Variants in CNTN3 observed in about 807,000 individuals in gnomAD.
The protein encoded by CNTN3 is contactin-3.
CNTN3 carries 60 observed loss-of-function variants against 119.1 expected under a neutral mutation model. The ratio of observed to expected loss-of-function variants is 0.50; its 90% CI spans 0.41 to 0.62. The LOEUF is 0.62. Among genes scored for constraint, CNTN3 ranks in the 20% least tolerant of loss-of-function variants. The probability of loss-of-function intolerance (pLI) is 0.00; values close to 1 mark genes in which losing one functional copy is unlikely to be tolerated. For synonymous variants in CNTN3, 450 were observed against 438.7 expected (o/e 1.03, Z -0.32); for missense variants, 1,101 against 1,242.4 (o/e 0.89, Z 1.71).
At chr3:74,541,320 A>G (rs1703839746) in intron 1 of CNTN3, among the ~76,000 whole-genome samples, 1 of 152,170 alleles carries the variant, frequency 6.6e-6, no homozygotes. Context: ...CATCATAGCT[A>G]ATAGCAAAAA....
At chr3:74,377,058 A>G (rs1257646789) in intron 5 of CNTN3, among the ~76,000 whole-genome samples, 1 of 152,136 alleles carries the variant, frequency 6.6e-6, no homozygotes, top group African/African-American at 2.4e-5. Flanking sequence ...GAGATATCAA[A>G]CTACAACCCC....
chr3:74,371,459 T>C, intron 5 of CNTN3, 60 bp from the exon 6 acceptor site: 1 of 1,255,844 alleles, frequency 8.0e-7, no homozygotes, highest in Non-Finnish European at 1.2e-6. Flanking sequence ...TTCCATTGTG[T>C]CCTTAATGTA....
chr3:74,331,574 AAAC>A (rs1244286607), intron 13 of CNTN3, among the ~76,000 whole-genome samples: 6 of 152,208 alleles, frequency 3.9e-5, no homozygotes, highest in African/African-American at 1.4e-4. Flanking sequence ...ATCAACCAGC[AAAC>A]AACAGCACCC....
chr3:74,501,070 T>C (rs933322021), intron 2 of CNTN3, among the ~76,000 whole-genome samples: 43 of 152,066 alleles, frequency 2.8e-4, no homozygotes, highest in African/African-American at 9.4e-4. Context: ...ATCTTTGCCC[T>C]CAGCTTCCAG....
intron 1 of CNTN3, among the ~76,000 whole-genome samples, chr3:74,576,153 C>G (rs1279996482): frequency 1.3e-5 from 2 of 152,166 alleles, no homozygotes; most frequent in Non-Finnish European, 1.5e-5. Flanking sequence ...TCTCTTTCCT[C>G]TCTTCCATTT....
At chr3:74,272,557 T>A (rs112822811) in intron 20 of CNTN3, among the ~76,000 whole-genome samples, 1 of 152,170 alleles carries the variant, frequency 6.6e-6, no homozygotes, top group African/African-American at 2.4e-5. Context: ...GGAATGCACA[T>A]TGATAGGCTT....
intron 11 of CNTN3, among the ~76,000 whole-genome samples, chr3:74,345,264 C>T (rs916020861): frequency 1.3e-5 from 2 of 152,148 alleles, no homozygotes; most frequent in Admixed American, 6.6e-5. Context: ...CTCCTCCAAG[C>T]AGAGAGTTTA....
At chr3:74,359,595 C>T (rs1704031510) in intron 11 of CNTN3, among the ~76,000 whole-genome samples, 1 of 151,858 alleles carries the variant, frequency 6.6e-6, no homozygotes, top group Admixed American at 6.6e-5. Flanking sequence ...TCAGAAATTC[C>T]AGGTTAGATC....
chr3:74,462,975 T>A (rs1040382916), intron 4 of CNTN3, among the ~76,000 whole-genome samples: 1 of 152,180 alleles, frequency 6.6e-6, no homozygotes, highest in Non-Finnish European at 1.5e-5. Context: ...TCCTTGTAGA[T>A]CCATGTGTCA....
chr3:74,553,761 T>C (rs1183719276), intron 1 of CNTN3, among the ~76,000 whole-genome samples: 1 of 152,118 alleles, frequency 6.6e-6, no homozygotes, highest in African/African-American at 2.4e-5. Context: ...TTTGATGGGG[T>C]TGTTTGGTTT....
rs2107121907 is a variant in CNTN3, at chr3:74,521,141, T to C, written c.-29A>G. Reference sequence around the variant, plus strand: ...TAATTGCCAAATGCAAGAGTAACTCTTGTCCAGTCTCTGATGAATAGAATG... The same window carrying C: ...TAATTGCCAAATGCAAGAGTAACTCCTGTCCAGTCTCTGATGAATAGAATG... On this transcript the variant is annotated 5_prime_UTR_variant, in exon 2 of 23. Coordinates refer to ENST00000263665, the MANE Select transcript of CNTN3 (RefSeq NM_020872.3). 1 of 1,470,886 alleles carries C rather than the reference T, an allele frequency of 6.8e-7. No individual in the cohort carries two copies. Among genetic ancestry groups the C allele is most frequent in the Non-Finnish European group, 9.4e-7 (1 of 1,060,498 alleles). The allele number at this position is 1,470,886 out of a possible 1,614,324, so 91.1% of individuals were successfully genotyped here. A position where few individuals can be genotyped will look rare whatever the true frequency, so the allele number is the denominator to read the frequency against.
intron 1 of CNTN3, among the ~76,000 whole-genome samples, chr3:74,570,654 TA>T (rs1461769109): frequency 3.3e-5 from 5 of 152,126 alleles, no homozygotes; most frequent in Non-Finnish European, 5.9e-5. Context: ...CAATGCTATG[TA>T]AAATTTTTAT....
At chr3:74,606,112 G>T (rs1016060250) in intron 1 of CNTN3, among the ~76,000 whole-genome samples, 1 of 151,894 alleles carries the variant, frequency 6.6e-6, no homozygotes, top group African/African-American at 2.4e-5. Context: ...GCCACTATGG[G>T]TCAATACAGA....
At chr3:74,405,406 T>G (rs1705300254) in intron 5 of CNTN3, among the ~76,000 whole-genome samples, 1 of 151,922 alleles carries the variant, frequency 6.6e-6, no homozygotes, top group Admixed American at 6.6e-5. Flanking sequence ...TCCTACAGAA[T>G]AACTATAATA....
At chr3:74,424,466 G>A (rs573151922) in intron 5 of CNTN3, among the ~76,000 whole-genome samples, 43 of 128,574 alleles carry the variant, frequency 3.3e-4, no homozygotes, top group African/African-American at 1.1e-3. Flanking sequence ...GTGTGTGTGT[G>A]TGTGTGACAG....
chr3:74,446,009 G>T (rs1702042711), intron 4 of CNTN3, among the ~76,000 whole-genome samples: 1 of 152,104 alleles, frequency 6.6e-6, no homozygotes, highest in Non-Finnish European at 1.5e-5. Context: ...CTGTTTAAAG[G>T]CCACATCTTT....
intron 1 of CNTN3, among the ~76,000 whole-genome samples, chr3:74,609,523 C>A (rs887049136): frequency 6.6e-6 from 1 of 152,154 alleles, no homozygotes; most frequent in African/African-American, 2.4e-5. Flanking sequence ...AAAGGAAGAA[C>A]AGACCACCTA....
chr3:74,295,203 T>C lies in CNTN3; in HGVS notation c.2435A>G (p.Asn812Ser), dbSNP rs767611906. 6 of 1,613,172 alleles carry C rather than the reference T, an allele frequency of 3.7e-6. No individual in the cohort carries two copies. Among genetic ancestry groups the C allele is most frequent in the Non-Finnish European group, 4.2e-6 (5 of 1,179,182 alleles). The part of the protein sequence containing the change: ...PTVAPSQVSA[N>S]SLSSSEIEVS... ...CTCAATTTCTGAGGAAGATAGGCTA[T>C]TTGCAGAGACTTGAGATGGGGCCAC... The change falls in exon 19 of 23, where the codon AAT becomes AGT. Residue 812 changes from asparagine to serine, a missense_variant. Transcript: ENST00000263665.
chr3:74,284,880 C>T (rs1575697064), intron 20 of CNTN3, among the ~76,000 whole-genome samples: 1 of 152,024 alleles, frequency 6.6e-6, no homozygotes, highest in African/African-American at 2.4e-5. Flanking sequence ...ATGCACATTG[C>T]CATTTTTTGT....
Sources: allele counts gnomAD v4.1 joint callset (sites outside exome capture counted in the v4.1 genomes callset), GRCh38; gene constraint gnomAD v4.1.1; transcripts MANE v1.5; gene names NCBI Gene and HGNC (gene_info 2026-07-23, HGNC 2026-07-21).